The following NCKAP5 variants were observed in gnomAD, a reference collection of about 807,000 sequenced individuals.
The protein encoded by NCKAP5 is nck-associated protein 5.
NCKAP5 carries 92 observed loss-of-function variants against 167.0 expected under a neutral mutation model. The observed-to-expected ratio is 0.55, with a 90% CI of 0.47 to 0.66. The LOEUF (loss-of-function observed/expected upper bound fraction) is 0.66, where lower values mean the gene tolerates loss of function less well. Ranked by LOEUF, NCKAP5 falls within the 30% of genes least tolerant of loss-of-function variation. The pLI, the probability that NCKAP5 is intolerant of heterozygous loss-of-function variation, is 0.00. For synonymous variants in NCKAP5, 891 were observed against 877.4 expected (o/e 1.02, Z -0.27); for missense variants, 2,378 against 2,315.0 (o/e 1.03, Z -0.56).
At chr2:132,676,057 A>C (rs1378702789) in intron 19 of NCKAP5, among the ~76,000 whole-genome samples, 2 of 152,152 alleles carry the variant, frequency 1.3e-5, no homozygotes, top group African/African-American at 4.8e-5. Context: ...TGCTGGATCT[A>C]AAGGTGGTAG....
At chr2:132,743,289 C>T (rs145068568) in intron 16 of NCKAP5, among the ~76,000 whole-genome samples, 32 of 151,708 alleles carry the variant, frequency 2.1e-4, no homozygotes, top group African/African-American at 7.7e-4. Context: ...ATCAAGGCAG[C>T]TAAAATTTGC....
intron 5 of NCKAP5, among the ~76,000 whole-genome samples, chr2:133,137,192 T>G (rs1559179176): frequency 6.6e-6 from 1 of 152,148 alleles, no homozygotes; most frequent in Non-Finnish European, 1.5e-5. Context: ...CCATTAGTTA[T>G]GAAAGATTTG....
At chr2:133,649,286 A>G in the NCKAP5 span, among the ~76,000 whole-genome samples, 1 of 151,152 alleles carries the variant, frequency 6.6e-6, no homozygotes, top group African/African-American at 2.4e-5. Flanking sequence ...AGATGACTGA[A>G]CTGATGAATA....
At chr2:133,017,623 T>A (rs1013687690) in intron 6 of NCKAP5, among the ~76,000 whole-genome samples, 1 of 151,894 alleles carries the variant, frequency 6.6e-6, no homozygotes, top group South Asian at 2.1e-4. Context: ...AAAAAAAAAA[T>A]TGAACACTTT....
intron 3 of NCKAP5, among the ~76,000 whole-genome samples, chr2:133,437,661 G>C (rs1044092442): frequency 6.6e-6 from 1 of 152,202 alleles, no homozygotes; most frequent in East Asian, 1.9e-4. Context: ...GTTCTCAGAA[G>C]GGCAGCTCTG....
chr2:132,868,496 G>T (rs1045816535), intron 10 of NCKAP5, among the ~76,000 whole-genome samples: 2 of 152,122 alleles, frequency 1.3e-5, no homozygotes, highest in Non-Finnish European at 2.9e-5. Flanking sequence ...CCAGGAAGCG[G>T]GAATTGTTAT....
At chr2:132,794,241 TATATATATATATATATATATATAGAGAG>T (rs1333101934) in intron 12 of NCKAP5, among the ~76,000 whole-genome samples, 41 of 54,952 alleles carry the variant, frequency 7.5e-4, no homozygotes, top group Middle Eastern at 7.5e-3. Flanking sequence ...TATATATATA[TATATATATATATATATATATATAGAGAG>T]AGAGAGAGAG....
At chr2:133,635,833 AT>A in the NCKAP5 span, among the ~76,000 whole-genome samples, 1 of 152,228 alleles carries the variant, frequency 6.6e-6, no homozygotes, top group Non-Finnish European at 1.5e-5. Flanking sequence ...TCTGAAAATC[AT>A]GAATGAAGTA....
intron 11 of NCKAP5, among the ~76,000 whole-genome samples, chr2:132,844,586 A>G (rs1043441271): frequency 1.3e-5 from 2 of 152,156 alleles, no homozygotes; most frequent in African/African-American, 4.8e-5. Context: ...TTCACTTAAT[A>G]TATTTTTAAG....
rs549572648 is a variant in NCKAP5, at chr2:132,925,660, C to T, written c.579+38060G>A. 2.0e-5 allele frequency among the ~76,000 whole-genome samples: 3 copies of T among 152,074 alleles called. No homozygotes were observed. In the South Asian group the frequency reaches 6.2e-4, roughly 32 times the overall value. On this transcript the variant is annotated intron_variant, in intron 8 of 19. Coordinates refer to ENST00000409261, the MANE Select transcript of NCKAP5 (RefSeq NM_207363.3). ...TGCTCTCTCACCCACTGGCCCACTG[C>T]TCACCTCCTGCTGTGCAGCCTGGTT...
chr2:133,038,308 T>A (rs2079101926), intron 6 of NCKAP5, among the ~76,000 whole-genome samples: 1 of 152,170 alleles, frequency 6.6e-6, no homozygotes, highest in Non-Finnish European at 1.5e-5. Context: ...TGAGATCCAG[T>A]CATTTGCAAC....
chr2:133,067,181 T>C (rs2080228505), intron 6 of NCKAP5, among the ~76,000 whole-genome samples: 1 of 152,154 alleles, frequency 6.6e-6, no homozygotes. Flanking sequence ...GCCATTTTTA[T>C]AGGTACTGTT....
rs1683482724 is a variant in NCKAP5, at chr2:132,785,434, G to A, written c.1377C>T (p.Ser459=). 1.9e-6 allele frequency: 3 copies of A among 1,613,802 alleles called. No individual in the cohort carries two copies. The highest frequency in any genetic ancestry group is 2.2e-5 in the South Asian group (2 of 91,078). ...YPPCKTADLG[S]PCKEPHKTFV... ...ATGTCTTGTGGGGTTCCTTGCAGGG[G>A]CTCCCCAGGTCAGCTGTTTTGCAGG... is the stretch of plus-strand genomic sequence containing the variant. The change falls in exon 14 of 20, where the codon AGC becomes AGT. Residue 459 remains serine, a synonymous_variant. Transcript: ENST00000409261.
chr2:133,636,016 G>C, the NCKAP5 span, among the ~76,000 whole-genome samples: 1 of 152,224 alleles, frequency 6.6e-6, no homozygotes, highest in Non-Finnish European at 1.5e-5. Flanking sequence ...TTGAGCTTAT[G>C]AACAGTAGTG....
intron 3 of NCKAP5, among the ~76,000 whole-genome samples, chr2:133,500,388 A>G (rs1682394827): frequency 6.6e-6 from 1 of 152,214 alleles, no homozygotes; most frequent in Admixed American, 6.5e-5. Flanking sequence ...CGTGCTCATC[A>G]CACCAGAGAC....
intron 3 of NCKAP5, among the ~76,000 whole-genome samples, chr2:133,482,658 C>T (rs546432458): frequency 5.9e-5 from 9 of 152,306 alleles, no homozygotes; most frequent in Non-Finnish European, 7.4e-5. Context: ...GGTAGATATA[C>T]AGTTGTGAGA....
At chr2:133,049,909 C>T (rs2079545158) in intron 6 of NCKAP5, among the ~76,000 whole-genome samples, 1 of 152,190 alleles carries the variant, frequency 6.6e-6, no homozygotes, top group African/African-American at 2.4e-5. Flanking sequence ...GAACCTGGTT[C>T]CAAGAAGTTC....
intron 3 of NCKAP5, among the ~76,000 whole-genome samples, chr2:133,516,354 T>A (rs926574362): frequency 5.3e-5 from 8 of 151,936 alleles, no homozygotes; most frequent in African/African-American, 1.5e-4. Context: ...TGAGATGGGG[T>A]CAGATCTACG....
At chr2:133,153,150 G>A (rs2083442295) in intron 5 of NCKAP5, among the ~76,000 whole-genome samples, 1 of 152,158 alleles carries the variant, frequency 6.6e-6, no homozygotes, top group Admixed American at 6.5e-5. Context: ...TGAATAGATG[G>A]CATGTGAAAT....
Sources: allele counts gnomAD v4.1 joint callset (sites outside exome capture counted in the v4.1 genomes callset), GRCh38; gene constraint gnomAD v4.1.1; transcripts MANE v1.5; gene names NCBI Gene and HGNC (gene_info 2026-07-23, HGNC 2026-07-21).